Variants in ANO4 observed in about 807,000 individuals in gnomAD.
ANO4 encodes anoctamin 4, also known as anoctamin-4.
A neutral mutation model predicts 141.9 loss-of-function variants in ANO4; 69 were observed. That is an observed-to-expected ratio of 0.49 (90% confidence interval 0.40 to 0.59). The LOEUF is 0.59. ANO4 is among the 20% of genes least tolerant of loss of function. ANO4 has a pLI of 0.00. For synonymous variants in ANO4, 350 were observed against 394.3 expected, an observed-to-expected ratio of 0.89 and a Z score of 1.33; for missense variants, 894 against 1,162.2, an observed-to-expected ratio of 0.77 and a Z score of 3.36.
At chr12:100,776,662 C>T (rs1222886922) in intron 3 of ANO4, among the ~76,000 whole-genome samples, 1 of 152,176 alleles carries the variant, frequency 6.6e-6, no homozygotes, top group Non-Finnish European at 1.5e-5. Context: ...GATTAATTGA[C>T]TTAAGATTTT....
intron 2 of ANO4, among the ~76,000 whole-genome samples, chr12:100,909,232 A>G (rs1039826672): frequency 5.9e-5 from 9 of 152,208 alleles, no homozygotes; most frequent in Non-Finnish European, 1.0e-4. Context: ...TTGAATTCTT[A>G]CCGGTTTTTC....
At chr12:100,957,672 A>G (rs918654702) in intron 5 of ANO4, among the ~76,000 whole-genome samples, 1 of 151,806 alleles carries the variant, frequency 6.6e-6, no homozygotes, top group Admixed American at 6.6e-5. Flanking sequence ...CTCACTGCAA[A>G]CTCCACCTCC....
chr12:100,942,886 G>T (rs1470836211), intron 5 of ANO4, among the ~76,000 whole-genome samples: 2 of 152,194 alleles, frequency 1.3e-5, no homozygotes, highest in Non-Finnish European at 2.9e-5. Context: ...GTGAAATCCA[G>T]TCACTCTCTC....
chr12:100,859,677 G>A (rs7962039), intron 1 of ANO4, among the ~76,000 whole-genome samples: 15,401 of 152,102 alleles, frequency 0.1, 876 homozygotes, highest in South Asian at 0.16. Context: ...CTAACCTATC[G>A]CACAATAGTT....
chr12:100,775,462 G>C (rs768854724), intron 3 of ANO4, among the ~76,000 whole-genome samples: 1 of 152,152 alleles, frequency 6.6e-6, no homozygotes, highest in Non-Finnish European at 1.5e-5. Flanking sequence ...AACGATACCT[G>C]ATAGTGGGAC....
At chr12:100,840,183 G>C (rs925672109) in intron 1 of ANO4, among the ~76,000 whole-genome samples, 1 of 152,048 alleles carries the variant, frequency 6.6e-6, no homozygotes, top group African/African-American at 2.4e-5. Flanking sequence ...TTAGTTACCC[G>C]TTCTCTTTCC....
chr12:100,876,383 G>C (rs958931806), intron 1 of ANO4, among the ~76,000 whole-genome samples: 3 of 151,950 alleles, frequency 2.0e-5, no homozygotes, highest in Non-Finnish European at 2.9e-5. Flanking sequence ...AAATCCTGTT[G>C]GAATGAGCTG....
At chr12:101,023,908 C>T (rs938086790) in intron 9 of ANO4, among the ~76,000 whole-genome samples, 2 of 152,154 alleles carry the variant, frequency 1.3e-5, no homozygotes, top group South Asian at 2.1e-4. Flanking sequence ...AATGTTTATC[C>T]AGTATTATTT....
chr12:100,838,891 A>G (rs1289188543), intron 1 of ANO4, among the ~76,000 whole-genome samples: 2 of 152,152 alleles, frequency 1.3e-5, no homozygotes, highest in Non-Finnish European at 2.9e-5. Flanking sequence ...GCCTGAAGGA[A>G]GATGTGGATG....
intron 2 of ANO4, among the ~76,000 whole-genome samples, chr12:100,904,972 G>C (rs924225476): frequency 1.3e-5 from 2 of 152,186 alleles, no homozygotes; most frequent in African/African-American, 2.4e-5. Context: ...TAATGGATTG[G>C]ATGTAGGGTA....
At chr12:100,962,210 A>G (rs2043453978) in intron 5 of ANO4, among the ~76,000 whole-genome samples, 1 of 152,146 alleles carries the variant, frequency 6.6e-6, no homozygotes, top group Admixed American at 6.6e-5. Flanking sequence ...TTAACAAGGT[A>G]ATCAATAATG....
At chr12:100,777,608 T>C (rs2033568488) in intron 3 of ANO4, among the ~76,000 whole-genome samples, 1 of 152,132 alleles carries the variant, frequency 6.6e-6, no homozygotes, top group Non-Finnish European at 1.5e-5. Context: ...CTAAGTTTTA[T>C]ATGGGAAAAG....
At chr12:101,050,118 C>G (rs1395695034) in intron 14 of ANO4, among the ~76,000 whole-genome samples, 1 of 151,812 alleles carries the variant, frequency 6.6e-6, no homozygotes, top group African/African-American at 2.4e-5. Context: ...GAATCAGAAC[C>G]TAGAAATAGA....
intron 1 of ANO4, among the ~76,000 whole-genome samples, chr12:100,858,658 C>T (rs1193066782): frequency 6.6e-6 from 1 of 152,076 alleles, no homozygotes; most frequent in Non-Finnish European, 1.5e-5. Context: ...AATTTAATGC[C>T]TGTGTGACTT....
intron 19 of ANO4, 106 bp from the exon 20 acceptor site, chr12:101,097,545 T>TA (rs1363949043): frequency 3.5e-5 from 38 of 1,072,384 alleles, no homozygotes; most frequent in Admixed American, 5.5e-5. Context: ...ACCTACTACT[T>TA]ATAGTAGCAG....
intron 3 of ANO4, among the ~76,000 whole-genome samples, chr12:100,927,375 T>A (rs536936919): frequency 6.6e-6 from 1 of 152,098 alleles, no homozygotes. Context: ...AAACCCTCCA[T>A]CCATAGTTTA....
In ANO4 at chr12:101,113,203, G is replaced by T. The variant is rs529207465; in HGVS notation, c.2450+1493G>T. ...CCCGCACCTCACAGCCCTTGAGGCT[G>T]TCCCTTAACAGTAAACCCCCTGGAT... On this transcript the variant is annotated intron_variant, in intron 24 of 27. Coordinates refer to ENST00000392977, the MANE Select transcript of ANO4 (RefSeq NM_001286615.2). Among the ~76,000 whole-genome samples, 6 of 152,296 alleles carry T rather than the reference G, an allele frequency of 3.9e-5. No individual in the cohort carries two copies. The East Asian group carries it at 1.2e-3, about 29-fold the overall frequency.
At chr12:101,009,536 C>G (rs2045996104) in intron 8 of ANO4, among the ~76,000 whole-genome samples, 2 of 152,114 alleles carry the variant, frequency 1.3e-5, no homozygotes, top group African/African-American at 4.8e-5. Flanking sequence ...AGTTCTTGAT[C>G]TTTTAACTTC....
chr12:101,062,565 T>G (rs570038286), intron 14 of ANO4, among the ~76,000 whole-genome samples: 4 of 152,316 alleles, frequency 2.6e-5, no homozygotes, highest in African/African-American at 9.6e-5. Context: ...GCTGCCTTTC[T>G]TTCAGGGATG....
Sources: gnomAD v4.1 joint callset for allele counts (sites outside exome capture counted in the v4.1 genomes callset) on GRCh38, gnomAD v4.1.1 for gene constraint, MANE v1.5 for transcripts, NCBI Gene and HGNC (gene_info 2026-07-23, HGNC 2026-07-21) for gene names.